NLRP1: variants seen among roughly 807,000 people sequenced by gnomAD.
NLRP1 encodes the protein NLR family pyrin domain containing 1.
NLRP1 carries 94 observed loss-of-function variants against 136.7 expected under a neutral mutation model. That is an observed-to-expected ratio of 0.69 (90% CI 0.58 to 0.82). NLRP1 has a LOEUF of 0.82. NLRP1 is among the 40% of genes least tolerant of loss of function. NLRP1 has a pLI of 0.00. For synonymous variants in NLRP1, 690 were observed against 725.1 expected, an observed-to-expected ratio of 0.95 and a Z score of 0.78; for missense variants, 1,575 against 1,802.7, an observed-to-expected ratio of 0.87 and a Z score of 2.29.
chr17:5,513,662 G>A (rs930931023), downstream of NLRP1, among the ~76,000 whole-genome samples: 4 of 152,164 alleles, frequency 2.6e-5, no homozygotes, highest in East Asian at 7.7e-4. Context: ...TGTTCAGCAT[G>A]AAGCAGTGAC....
intron 12 of NLRP1, among the ~76,000 whole-genome samples, chr17:5,526,223 C>T (rs1909535872): frequency 6.6e-6 from 1 of 152,136 alleles, no homozygotes; most frequent in South Asian, 2.1e-4. Flanking sequence ...AGTCATCCTC[C>T]CGTTTCTGCC....
rs911374366 is a variant in NLRP1, at chr17:5,537,281, G to A, written c.2871-341C>T. Among the ~76,000 whole-genome samples the A allele has an allele frequency of 1.3e-5, 2 of 152,212 alleles. No individual in the cohort carries two copies. Among genetic ancestry groups the A allele is most frequent in the African/African-American group, 2.4e-5 (1 of 41,456 alleles). On this transcript the variant is annotated intron_variant, in intron 7 of 16. Coordinates refer to ENST00000572272, the MANE Select transcript of NLRP1 (RefSeq NM_033004.4). The surrounding 1 kb of genome is among the most constrained non-coding windows in gnomAD (Gnocchi z 4.5). ...TCTACCCCAACATTGGCCAGTCATC[G>A]GATGTGGGCCTCCCCAGGAAGGAGA...
chr17:5,524,577 C>T (rs543818440), intron 12 of NLRP1, among the ~76,000 whole-genome samples: 4 of 152,226 alleles, frequency 2.6e-5, no homozygotes, highest in East Asian at 1.9e-4. Flanking sequence ...CTCCAAGAGG[C>T]GATGCTGGTT....
intron 3 of NLRP1, among the ~76,000 whole-genome samples, chr17:5,576,135 G>C (rs1206812384): frequency 2.6e-5 from 4 of 152,146 alleles, no homozygotes; most frequent in Non-Finnish European, 5.9e-5. Context: ...TGTGTGTAGA[G>C]GGAAATTTAT....
At chr17:5,521,340 C>A (rs1436643353) in intron 13 of NLRP1, among the ~76,000 whole-genome samples, 184 bp downstream of exon 13, 1 of 152,148 alleles carries the variant, frequency 6.6e-6, no homozygotes, top group Non-Finnish European at 1.5e-5. Flanking sequence ...CAGGGGGATA[C>A]CTTGGAGAGG....
At position 5,514,937 on chromosome 17, in the gene NLRP1, G is replaced by T; in HGVS notation, c.4239C>A (p.Tyr1413Ter). 3.7e-6 allele frequency: 6 copies of T among 1,614,152 alleles called. No homozygotes were observed. Among genetic ancestry groups the T allele is most frequent in the Non-Finnish European group, 5.1e-6 (6 of 1,180,024 alleles). ...TCGTGTTCTCAGCCAGCACCCTCTC[G>T]TACTGCTCCTGGCTCAGCACCTGTC... ...LHGQVLSQEQ[Y>*]ERVLAENTRP... The change falls in exon 17 of 17, where the codon TAC (tyrosine) becomes TAA (stop). Residue 1413 changes from tyrosine to a stop codon, truncating the protein, a stop_gained. Coordinates refer to ENST00000572272, the MANE Select transcript of NLRP1 (RefSeq NM_033004.4). LOFTEE classifies it low-confidence loss of function (END_TRUNC).
Position 5,558,900 on chromosome 17 carries a change from G to T in NLRP1, c.1796C>A (p.Ala599Asp). The change falls in exon 4 of 17, where the codon GCC (alanine) becomes GAC (aspartate). Residue 599 changes from alanine (A) to aspartate (D), a missense_variant. Transcript: ENST00000572272. ...DDLRKHGLDG[A>D]IISTFLKMGI... ...CATCTTCAAGAAGGTGGAGATGATG[G>T]CCCCATCTAACCCATGCTTCCTGAG... 1 of 1,614,108 alleles carries T rather than the reference G, an allele frequency of 6.2e-7. No homozygotes were observed. The highest frequency in any genetic ancestry group is 1.1e-5 in the South Asian group (1 of 91,076).
chr17:5,530,800 AG>A, intron 11 of NLRP1, 96 bp from the exon 12 acceptor site: 1 of 874,442 alleles, frequency 1.1e-6, no homozygotes, highest in Non-Finnish European at 1.8e-6. Flanking sequence ...GATACGGTAC[AG>A]TGGCTTCAAG....
chr17:5,563,025 C>A (rs1914934374), intron 3 of NLRP1, among the ~76,000 whole-genome samples: 2 of 152,200 alleles, frequency 1.3e-5, no homozygotes, highest in South Asian at 4.1e-4. Context: ...CACCTGAAAT[C>A]TTCCAGAATC....
In NLRP1 at chr17:5,558,778, C is replaced by T. The variant is rs1914402273; in HGVS notation, c.1918G>A (p.Glu640Lys). ...TTAGAATGTTTACCTCTCCCCTTCT[C>T]ATCCTCCAAGACATAGGACATTGCT... The part of the protein sequence containing the change: ...FAAMSYVLED[E>K]KGRGKHSNCI... Residue 640 changes from glutamate (E) to lysine (K), a missense_variant, in exon 4 of 17, where the codon GAG (glutamate) becomes AAG (lysine). Physicochemically the swap from Glu to Lys is moderately conservative, Grantham distance 56. Transcript: ENST00000572272. 1.2e-6 allele frequency: 2 copies of T among 1,614,022 alleles called. No individual in the cohort carries two copies. Among genetic ancestry groups the T allele is most frequent in the South Asian group, 1.1e-5 (1 of 91,080 alleles).
chr17:5,546,770 G>A (rs1429314545), intron 5 of NLRP1, among the ~76,000 whole-genome samples: 1 of 152,222 alleles, frequency 6.6e-6, no homozygotes, highest in Non-Finnish European at 1.5e-5. Flanking sequence ...ATGAGGAGAT[G>A]TAGGTAAATA....
rs933025032 is a variant in NLRP1, at chr17:5,542,118, C to G, written c.2529-91G>C. 4.5e-6 allele frequency: 6 copies of G among 1,319,968 alleles called. No homozygotes were observed. In the African/African-American group the frequency reaches 7.3e-5, roughly 16 times the overall value. 81.8% of individuals were successfully genotyped at this position (1,319,968 alleles called of 1,614,324 possible). On this transcript the variant is annotated intron_variant, in intron 5 of 16. Coordinates refer to ENST00000572272, the MANE Select transcript of NLRP1 (RefSeq NM_033004.4). ...CAACCATTAATCACCTACTATGCAC[C>G]AGGCCTGTGGGCCAGGCAGAGGTCT...
chr17:5,505,180 C>T (rs970243597), intron 15 of NLRP1: 7 of 152,266 alleles, frequency 4.6e-5, no homozygotes, highest in African/African-American at 1.7e-4. Context: ...ATTGCAACCT[C>T]TACACTAGGA....
At chr17:5,574,413 C>T (rs1036093680) in intron 3 of NLRP1, among the ~76,000 whole-genome samples, 35 of 152,108 alleles carry the variant, frequency 2.3e-4, no homozygotes, top group Non-Finnish European at 1.5e-5. Context: ...ACTTCCCCAA[C>T]CTAGCAAGGC....
intron 4 of NLRP1, among the ~76,000 whole-genome samples, chr17:5,557,149 G>A (rs1049012038): frequency 5.3e-5 from 8 of 151,708 alleles, no homozygotes; most frequent in Non-Finnish European, 1.5e-5. Context: ...GATTACAGGC[G>A]TGTGCCACCA....
chr17:5,554,896 C>T (rs1025826604), intron 4 of NLRP1, among the ~76,000 whole-genome samples: 3 of 151,936 alleles, frequency 2.0e-5, no homozygotes, highest in African/African-American at 7.3e-5. Context: ...GTGGTGTGCA[C>T]CTGTAGTCCC....
intron 3 of NLRP1, among the ~76,000 whole-genome samples, chr17:5,567,320 G>A (rs114301368): frequency 6.6e-6 from 1 of 151,594 alleles, no homozygotes; most frequent in African/African-American, 2.4e-5. Flanking sequence ...TATTTTTTGT[G>A]TATCCATTTT....
At chr17:5,536,782 G>A in intron 8 of NLRP1, 69 bp downstream of exon 8, 2 of 1,111,846 alleles carry the variant, frequency 1.8e-6, no homozygotes, top group Non-Finnish European at 2.7e-6. Context: ...TCACCCCATG[G>A]CTCTTTCCCT....
intron 7 of NLRP1, among the ~76,000 whole-genome samples, chr17:5,538,266 G>C (rs1911358821): frequency 6.6e-6 from 1 of 152,128 alleles, no homozygotes. Flanking sequence ...AGATAGTGTG[G>C]GGGTGGCTCC....
Sources: allele counts gnomAD v4.1 joint callset (sites outside exome capture counted in the v4.1 genomes callset), GRCh38; gene constraint gnomAD v4.1.1; non-coding constraint Gnocchi (gnomAD v3.1); transcripts MANE v1.5; gene names NCBI Gene and HGNC (gene_info 2026-07-23, HGNC 2026-07-21).